The following ENOX1 variants were observed in gnomAD, a reference collection of about 807,000 sequenced individuals.
ENOX1 encodes the protein candidate growth-related and time keeping constitutive hydroquinone (NADH) oxidase.
Under a neutral mutation model 82.5 loss-of-function variants are expected in ENOX1, and 42 were observed. That is an observed-to-expected ratio of 0.51 (90% confidence interval 0.40 to 0.66). ENOX1 has a LOEUF of 0.66. Ranked by LOEUF, ENOX1 falls within the 30% of genes least tolerant of loss-of-function variation. The probability of loss-of-function intolerance (pLI) is 0.00; values close to 1 mark genes in which losing one functional copy is unlikely to be tolerated. For synonymous variants in ENOX1, 271 were observed against 282.2 expected (o/e 0.96, Z 0.40); for missense variants, 608 against 811.6 (o/e 0.75, Z 3.05).
At chr13:43,597,721 C>G (rs1187301704) in intron 2 of ENOX1, among the ~76,000 whole-genome samples, 6 of 152,204 alleles carry the variant, frequency 3.9e-5, no homozygotes, top group Non-Finnish European at 8.8e-5. Context: ...TCTCCCATCT[C>G]ACTCAGAGAA....
intron 3 of ENOX1, among the ~76,000 whole-genome samples, chr13:43,455,681 C>T (rs1277075456): frequency 6.6e-6 from 1 of 152,188 alleles, no homozygotes; most frequent in Non-Finnish European, 1.5e-5. Flanking sequence ...TAAATTGTAG[C>T]TCCCATAATT....
intron 2 of ENOX1, among the ~76,000 whole-genome samples, chr13:43,642,213 C>T (rs542557323): frequency 1.3e-5 from 2 of 152,272 alleles, no homozygotes; most frequent in African/African-American, 4.8e-5. Flanking sequence ...AACCCTCCAA[C>T]ACACAATCAC....
chr13:43,390,226 C>T (rs567943273), intron 5 of ENOX1, among the ~76,000 whole-genome samples: 70 of 152,158 alleles, frequency 4.6e-4, no homozygotes, highest in African/African-American at 1.5e-3. Flanking sequence ...GAATGAGTTA[C>T]GGCACAAAGA....
rs1244471816 is a variant in ENOX1 at position 43,757,240 on chromosome 13, C to A, written c.-285+29412G>T. ...TGTATCCATTCCCTCTGATATCTGA[C>A]TTTGCAACTCCTCCCATCAAGAGGT... is the stretch of plus-strand genomic sequence containing the variant. On this transcript the variant is annotated intron_variant, in intron 1 of 16. Coordinates refer to ENST00000690772, the MANE Select transcript of ENOX1 (RefSeq NM_001347969.2). 2.0e-5 allele frequency among the ~76,000 whole-genome samples: 3 copies of A among 152,314 alleles called. No individual in the cohort carries two copies. In the East Asian group the frequency reaches 5.8e-4, roughly 29 times the overall value.
At chr13:43,661,501 G>C (rs2084726982) in intron 2 of ENOX1, among the ~76,000 whole-genome samples, 1 of 152,172 alleles carries the variant, frequency 6.6e-6, no homozygotes, top group African/African-American at 2.4e-5. Flanking sequence ...ACAACAAAGA[G>C]ACATTGATGT....
intron 1 of ENOX1, among the ~76,000 whole-genome samples, chr13:43,765,082 C>T (rs2153836344): frequency 6.6e-6 from 1 of 152,270 alleles, no homozygotes; most frequent in South Asian, 2.1e-4. Context: ...TGTACATGGA[C>T]CAAATGCAAG....
At chr13:43,276,842 A>G (rs1182424192) in intron 12 of ENOX1, among the ~76,000 whole-genome samples, 1 of 152,066 alleles carries the variant, frequency 6.6e-6, no homozygotes, top group African/African-American at 2.4e-5. Context: ...GGGGAAAAAA[A>G]GAATTGAACT....
intron 2 of ENOX1, among the ~76,000 whole-genome samples, chr13:43,607,553 G>C (rs1421135602): frequency 6.6e-6 from 1 of 152,128 alleles, no homozygotes; most frequent in Non-Finnish European, 1.5e-5. Context: ...TGTGTGTTTA[G>C]TGCTTAAAAA....
At chr13:43,299,406 T>C (rs1374073190) in intron 11 of ENOX1, among the ~76,000 whole-genome samples, 1 of 152,140 alleles carries the variant, frequency 6.6e-6, no homozygotes, top group Non-Finnish European at 1.5e-5. Context: ...TGAGCACTCA[T>C]AAAGCACTGG....
intron 1 of ENOX1, among the ~76,000 whole-genome samples, chr13:43,721,554 G>A (rs1006638912): frequency 4.1e-5 from 6 of 145,676 alleles, no homozygotes; most frequent in Admixed American, 6.9e-5. Flanking sequence ...AATTTTTTGT[G>A]TTTTTAGTAG....
intron 5 of ENOX1, among the ~76,000 whole-genome samples, chr13:43,387,879 A>G (rs529394093): frequency 3.3e-5 from 5 of 152,286 alleles, no homozygotes; most frequent in African/African-American, 4.8e-5. Context: ...GATTCATACT[A>G]GAGAATCAGT....
intron 12 of ENOX1, among the ~76,000 whole-genome samples, chr13:43,281,970 C>T (rs946533422): frequency 1.6e-4 from 24 of 152,084 alleles, no homozygotes; most frequent in African/African-American, 4.8e-4. Context: ...GAGATTATAT[C>T]GGGATTAATC....
At chr13:43,465,917 T>C (rs577927388) in intron 3 of ENOX1, among the ~76,000 whole-genome samples, 42 of 152,318 alleles carry the variant, frequency 2.8e-4, no homozygotes, top group African/African-American at 9.6e-4. Context: ...TTTGAAGAGA[T>C]TTCTGTTACT....
chr13:43,706,903 G>GATATATATATATATAT (rs141537630), intron 1 of ENOX1, among the ~76,000 whole-genome samples: 1 of 149,292 alleles, frequency 6.7e-6, no homozygotes, highest in Non-Finnish European at 1.5e-5. Context: ...AGGCAAGAAA[G>GATATATATATATATAT]ATATATATAT....
intron 2 of ENOX1, among the ~76,000 whole-genome samples, chr13:43,527,428 C>A (rs933357465): frequency 5.3e-5 from 8 of 152,036 alleles, no homozygotes; most frequent in Non-Finnish European, 1.0e-4. Context: ...ACTTGCCCAA[C>A]CCAAGTTACA....
intron 1 of ENOX1, among the ~76,000 whole-genome samples, chr13:43,765,451 T>C (rs1594739976): frequency 6.6e-6 from 1 of 152,136 alleles, no homozygotes; most frequent in Non-Finnish European, 1.5e-5. Context: ...AGTTCCCTTG[T>C]CTATGAAAGG....
chr13:43,449,709 A>G (rs1365508633), intron 3 of ENOX1, among the ~76,000 whole-genome samples: 1 of 152,074 alleles, frequency 6.6e-6, no homozygotes, highest in Non-Finnish European at 1.5e-5. Flanking sequence ...CAGGGAGAAA[A>G]GTCCCTTTTA....
chr13:43,470,282 AC>A (rs2057949457), intron 3 of ENOX1, among the ~76,000 whole-genome samples: 1 of 50,452 alleles, frequency 2.0e-5, no homozygotes, highest in East Asian at 2.4e-4. Flanking sequence ...ACATATATAT[AC>A]ATATATATAT....
At chr13:43,703,706 A>G (rs574347571) in intron 1 of ENOX1, among the ~76,000 whole-genome samples, 20 of 152,264 alleles carry the variant, frequency 1.3e-4, no homozygotes, top group African/African-American at 4.8e-4. Context: ...TGAAGACTTT[A>G]CCTGTTTTGT....
Sources: gnomAD v4.1 joint callset for allele counts (sites outside exome capture counted in the v4.1 genomes callset) on GRCh38, gnomAD v4.1.1 for gene constraint, MANE v1.5 for transcripts, NCBI Gene and HGNC (gene_info 2026-07-23, HGNC 2026-07-21) for gene names.